Variants in GRK5 observed in about 807,000 individuals in gnomAD.
The protein encoded by GRK5 is g protein-coupled receptor kinase GRK5.
In GRK5, 40 loss-of-function variants were observed where a neutral mutation model predicts 78.4. That is an observed-to-expected ratio of 0.51 (90% CI 0.40 to 0.66). The LOEUF is 0.66. Among genes scored for constraint, GRK5 ranks in the 30% least tolerant of loss-of-function variants. The pLI, the probability that GRK5 is intolerant of heterozygous loss-of-function variation, is 0.00. For synonymous variants in GRK5, 289 were observed against 296.8 expected (o/e 0.97, Z 0.27); for missense variants, 598 against 759.9 (o/e 0.79, Z 2.50).
At chr10:119,403,190 G>A (rs1006913988) in intron 4 of GRK5, among the ~76,000 whole-genome samples, 6 of 151,618 alleles carry the variant, frequency 4.0e-5, no homozygotes, top group Non-Finnish European at 8.8e-5. Context: ...TTTTTGAGAC[G>A]GAGTCTCGCT....
intron 1 of GRK5, among the ~76,000 whole-genome samples, chr10:119,229,292 T>C (rs1361483532): frequency 1.3e-5 from 2 of 152,000 alleles, no homozygotes; most frequent in African/African-American, 4.8e-5. Context: ...CAGCGTTGTG[T>C]GTTTGTTTTA....
At chr10:119,280,407 T>C (rs1193322902) in intron 1 of GRK5, among the ~76,000 whole-genome samples, 2 of 152,192 alleles carry the variant, frequency 1.3e-5, no homozygotes, top group African/African-American at 4.8e-5. Context: ...AACGTGAATG[T>C]CGGCTCTCCA....
chr10:119,406,164 A>G (rs901218208), intron 4 of GRK5, among the ~76,000 whole-genome samples: 6 of 152,210 alleles, frequency 3.9e-5, no homozygotes, highest in African/African-American at 1.2e-4. Context: ...TTTTTCACCG[A>G]GTGATTCAAT....
At chr10:119,396,643 A>G in intron 3 of GRK5, 52 bp from the exon 4 acceptor site, 1 of 1,431,610 alleles carries the variant, frequency 7.0e-7, no homozygotes, top group Non-Finnish European at 9.9e-7. Context: ...CTGTAACTAT[A>G]AGAAGCTCAT....
chr10:119,454,898 C>T (rs1356186550), intron 15 of GRK5, 71 bp from the exon 16 acceptor site: 34 of 1,004,586 alleles, frequency 3.4e-5, no homozygotes, highest in South Asian at 3.0e-4. Context: ...GAGGCAGCCC[C>T]GACCCATCCC....
At position 119,207,829 on chromosome 10, in the gene GRK5, C is replaced by T. The variant is rs1425627369; in HGVS notation, c.-89C>T. ...GCTCCCCCGGCTCCGGCAGCAGCGG[C>T]GGCAGCCCGAGCAGCGGCAGCAGCA... On this transcript the variant is annotated 5_prime_UTR_variant, in exon 1 of 16. Coordinates refer to ENST00000392870, the MANE Select transcript of GRK5 (RefSeq NM_005308.3). 9 of 1,286,742 alleles carry T rather than the reference C, an allele frequency of 7.0e-6. No individual in the cohort carries two copies. Among genetic ancestry groups the T allele is most frequent in the African/African-American group, 1.6e-5 (1 of 64,476 alleles). The allele number at this position is 1,286,742 out of a possible 1,614,324, so 79.7% of individuals were successfully genotyped here. A position where few individuals can be genotyped will look rare whatever the true frequency, so the allele number is the denominator to read the frequency against.
chr10:119,259,539 C>G (rs1269352524), intron 1 of GRK5, among the ~76,000 whole-genome samples: 2 of 152,178 alleles, frequency 1.3e-5, no homozygotes, highest in Non-Finnish European at 2.9e-5. Context: ...TTGGACAGAG[C>G]CCTCAATTTA....
intron 11 of GRK5, among the ~76,000 whole-genome samples, chr10:119,442,631 C>T (rs901277910): frequency 5.9e-5 from 9 of 152,182 alleles, no homozygotes; most frequent in African/African-American, 1.2e-4. Context: ...ATTGGGGGCA[C>T]GCCCTGGGCT....
intron 1 of GRK5, among the ~76,000 whole-genome samples, chr10:119,290,370 AC>A (rs1161093791): frequency 0.049 from 6,487 of 131,086 alleles, 251 homozygotes; most frequent in Non-Finnish European, 0.064. Flanking sequence ...AAAACAAAAA[AC>A]AACTCTGTCC....
chr10:119,268,052 G>A (rs1469197533), intron 1 of GRK5, among the ~76,000 whole-genome samples: 1 of 152,188 alleles, frequency 6.6e-6, no homozygotes, highest in Non-Finnish European at 1.5e-5. Context: ...TGCAGGGTGT[G>A]TCACTAAATG....
intron 1 of GRK5, among the ~76,000 whole-genome samples, chr10:119,229,204 A>G (rs1848787373): frequency 6.6e-6 from 1 of 152,178 alleles, no homozygotes; most frequent in South Asian, 2.1e-4. Context: ...GACCTTTCCC[A>G]GTGCCCTGTG....
At chr10:119,326,707 GT>G in intron 2 of GRK5, 96 bp downstream of exon 2, 1 of 892,328 alleles carries the variant, frequency 1.1e-6, no homozygotes, top group East Asian at 2.5e-5. Flanking sequence ...CCGCCAAGCT[GT>G]CTGTGCAGTG....
At chr10:119,249,277 A>C (rs1198283004) in intron 1 of GRK5, among the ~76,000 whole-genome samples, 1 of 152,154 alleles carries the variant, frequency 6.6e-6, no homozygotes, top group Non-Finnish European at 1.5e-5. Flanking sequence ...GTCTCAAAAA[A>C]CAAAAAACGA....
chr10:119,315,255 T>C (rs1850467103), intron 1 of GRK5, among the ~76,000 whole-genome samples: 1 of 152,204 alleles, frequency 6.6e-6, no homozygotes, highest in East Asian at 1.9e-4. Context: ...CTCAATACAC[T>C]TGGCTGGAGT....
intron 4 of GRK5, among the ~76,000 whole-genome samples, chr10:119,416,692 C>G (rs1222378060): frequency 3.3e-5 from 5 of 152,156 alleles, no homozygotes; most frequent in African/African-American, 1.2e-4. Flanking sequence ...CTCCTGGGTT[C>G]AAGCGATTCT....
At chr10:119,318,244 T>A (rs554920051) in intron 1 of GRK5, among the ~76,000 whole-genome samples, 2 of 152,342 alleles carry the variant, frequency 1.3e-5, no homozygotes, top group East Asian at 3.9e-4. Flanking sequence ...CACTCCCTGA[T>A]TGAGGCAAGG....
intron 1 of GRK5, among the ~76,000 whole-genome samples, chr10:119,310,648 C>T (rs141865873): frequency 6.6e-6 from 1 of 152,186 alleles, no homozygotes; most frequent in East Asian, 1.9e-4. Context: ...TCTGCTTTCT[C>T]CTAAGAGATG....
chr10:119,454,300 G>A (rs1189470147), intron 15 of GRK5, among the ~76,000 whole-genome samples: 1 of 152,182 alleles, frequency 6.6e-6, no homozygotes, highest in African/African-American at 2.4e-5. Flanking sequence ...AGACTTCTTG[G>A]TTATGTGGCA....
chr10:119,455,004 G>C lies in GRK5; in HGVS notation c.1710G>C (p.Lys570Asn), dbSNP rs1267113241. The part of the protein sequence containing the change: ...QNNSKSSPSS[K>N]TSFNHHINSN... ...ATTCCAAGAGTTCGCCCAGCTCCAA[G>C]ACCAGTTTTAACCACCACATAAACT... The change falls in exon 16 of 16, where the codon AAG becomes AAC. Residue 570 changes from lysine (K) to asparagine (N), a missense_variant. Transcript: ENST00000392870. 1 of 1,614,012 alleles carries C rather than the reference G, an allele frequency of 6.2e-7. No homozygotes were observed.
Sources: gnomAD v4.1 joint callset for allele counts (sites outside exome capture counted in the v4.1 genomes callset) on GRCh38, gnomAD v4.1.1 for gene constraint, MANE v1.5 for transcripts, NCBI Gene and HGNC (gene_info 2026-07-23, HGNC 2026-07-21) for gene names.